Variants in NEDD4L observed in about 807,000 individuals in gnomAD.
NEDD4L encodes the protein E3 ubiquitin-protein ligase NEDD4-like.
Under a neutral mutation model 148.9 loss-of-function variants are expected in NEDD4L, and 54 were observed. The ratio of observed to expected loss-of-function variants is 0.36; its 90% CI spans 0.29 to 0.45. The LOEUF (loss-of-function observed/expected upper bound fraction) is 0.45. Among genes scored for constraint, NEDD4L ranks in the 20% least tolerant of loss-of-function variants. The pLI, the probability that NEDD4L is intolerant of heterozygous loss-of-function variation, is 1.00. For missense variants in NEDD4L, 856 were observed against 1,233.8 expected, an observed-to-expected ratio of 0.69 and a Z score of 4.59; for synonymous variants, 433 against 440.7, an observed-to-expected ratio of 0.98 and a Z score of 0.22.
At chr18:58,250,058 C>T (rs925812955) in intron 4 of NEDD4L, among the ~76,000 whole-genome samples, 1 of 152,218 alleles carries the variant, frequency 6.6e-6, no homozygotes, top group East Asian at 1.9e-4. Context: ...AATGTTAGTA[C>T]ATCCCATACT....
Position 58,335,555 on chromosome 18 carries a change from CAG to C in NEDD4L, c.1125+20_1125+21del, listed in dbSNP as rs778540387. ...AACCAACGGTAATGATCCACTTTAT[CAG>C]ACATCAATAGCAAGAGGCCGTGAGG... On this transcript the variant is annotated intron_variant, in intron 13 of 30. Coordinates refer to ENST00000400345, the MANE Select transcript of NEDD4L (RefSeq NM_001144967.3). 1.3e-5 allele frequency: 20 copies of C among 1,598,434 alleles called. No individual in the cohort carries two copies. In the Admixed American group the frequency reaches 1.7e-4, roughly 13 times the overall value.
At chr18:58,157,647 G>A (rs2035675645) in intron 1 of NEDD4L, among the ~76,000 whole-genome samples, 1 of 151,814 alleles carries the variant, frequency 6.6e-6, no homozygotes, top group South Asian at 2.1e-4. Context: ...TATTTATTAT[G>A]GTATCAGGTT....
At chr18:58,185,916 T>C (rs1484134787) in intron 2 of NEDD4L, among the ~76,000 whole-genome samples, 1 of 150,924 alleles carries the variant, frequency 6.6e-6, no homozygotes, top group Middle Eastern at 3.2e-3. Flanking sequence ...TAAAATAAAA[T>C]GATGAATGCC....
intron 5 of NEDD4L, among the ~76,000 whole-genome samples, chr18:58,257,472 A>G (rs923406085): frequency 6.6e-6 from 1 of 152,084 alleles, no homozygotes; most frequent in African/African-American, 2.4e-5. Context: ...GTTATGGCCC[A>G]AGGCTAGGGG....
chr18:58,095,819 G>A (rs1010114078), intron 1 of NEDD4L, among the ~76,000 whole-genome samples: 1 of 152,176 alleles, frequency 6.6e-6, no homozygotes, highest in Non-Finnish European at 1.5e-5. Context: ...TCTAGAGCAA[G>A]CTTGTGCAAC....
At chr18:58,060,850 C>T (rs2082300734) in intron 1 of NEDD4L, among the ~76,000 whole-genome samples, 1 of 152,108 alleles carries the variant, frequency 6.6e-6, no homozygotes, top group African/African-American at 2.4e-5. Context: ...CCTCCGCCTC[C>T]TGGGTTCAAG....
At chr18:58,387,859 CAGT>C (rs2049255029) in intron 27 of NEDD4L, 1 of 180,838 alleles carries the variant, frequency 5.5e-6, no homozygotes, top group South Asian at 1.4e-4. Context: ...ACAAGGTTTG[CAGT>C]AGCCCTCTGG....
chr18:58,126,619 C>G (rs1035810627), intron 1 of NEDD4L, among the ~76,000 whole-genome samples: 16 of 152,160 alleles, frequency 1.1e-4, no homozygotes, highest in African/African-American at 3.9e-4. Flanking sequence ...TTTGTGTGGA[C>G]ATAGACTTAG....
In NEDD4L at chr18:58,103,738, A is replaced by G. The variant is rs547413086; in HGVS notation, c.48+59030A>G. Among the ~76,000 whole-genome samples, 7 of 152,370 alleles carry G rather than the reference A, an allele frequency of 4.6e-5. No individual in the cohort carries two copies. In the East Asian group the frequency reaches 1.3e-3, roughly 29 times the overall value. On this transcript the variant is annotated intron_variant, in intron 1 of 30. Transcript: ENST00000400345. ...AATGCTAGAAGTGAAACCAAAACCT[A>G]CATGGAATTATAGAAGAAATAGCTG...
intron 2 of NEDD4L, among the ~76,000 whole-genome samples, chr18:58,180,647 A>C (rs1049328318): frequency 1.3e-5 from 2 of 152,136 alleles, no homozygotes; most frequent in Admixed American, 1.3e-4. Context: ...GCATTTCATT[A>C]ATTTTCTCAT....
At chr18:58,284,490 A>G (rs1486219801) in intron 5 of NEDD4L, among the ~76,000 whole-genome samples, 1 of 152,210 alleles carries the variant, frequency 6.6e-6, no homozygotes, top group African/African-American at 2.4e-5. Context: ...GGTTATCAAG[A>G]TACAGTTTTT....
intron 1 of NEDD4L, among the ~76,000 whole-genome samples, chr18:58,099,734 G>A (rs915111641): frequency 6.6e-6 from 1 of 152,170 alleles, no homozygotes; most frequent in Non-Finnish European, 1.5e-5. Flanking sequence ...GGCATTTGAG[G>A]TAGACTCTAA....
rs1568420449 is a variant in NEDD4L, at chr18:58,223,443, T to TG, written c.123-21978dup. On this transcript the variant is annotated intron_variant, in intron 2 of 30. Transcript: ENST00000400345. ...GTTTGTTTGGTGGATGTGGTGATGG[T>TG]GGGGGGCTCTATGTACTTATTAAGG... Among the ~76,000 whole-genome samples, 3 of 152,110 alleles carry TG rather than the reference T, an allele frequency of 2.0e-5. 1 individual carries two copies. Among genetic ancestry groups the TG allele is most frequent in the Admixed American group, 1.3e-4 (2 of 15,266 alleles).
chr18:58,349,659 C>G (rs756601057), intron 17 of NEDD4L, 45 bp downstream of exon 17: 1 of 1,439,210 alleles, frequency 6.9e-7, no homozygotes, highest in South Asian at 1.1e-5. Flanking sequence ...TATGTGTGTT[C>G]CTTTATCCGC....
intron 1 of NEDD4L, among the ~76,000 whole-genome samples, chr18:58,068,380 T>C (rs2082713809): frequency 6.6e-6 from 1 of 152,054 alleles, no homozygotes; most frequent in Non-Finnish European, 1.5e-5. Context: ...TTTGTATTTT[T>C]AGTAGAGACG....
chr18:58,394,005 C>G (rs973363127), intron 30 of NEDD4L, among the ~76,000 whole-genome samples: 1 of 152,218 alleles, frequency 6.6e-6, no homozygotes, highest in African/African-American at 2.4e-5. Context: ...TAGGTAGACT[C>G]TAAAGCAAAC....
At chr18:58,200,512 A>G (rs375315264) in intron 2 of NEDD4L, among the ~76,000 whole-genome samples, 2 of 152,248 alleles carry the variant, frequency 1.3e-5, no homozygotes, top group Admixed American at 6.5e-5. Context: ...ATACATATGC[A>G]GGCCTATTTT....
At chr18:58,254,893 A>C (rs2048330230) in intron 5 of NEDD4L, among the ~76,000 whole-genome samples, 1 of 152,224 alleles carries the variant, frequency 6.6e-6, no homozygotes, top group East Asian at 1.9e-4. Flanking sequence ...ATTTAGCATT[A>C]AACGGACACT....
At position 58,398,342 on chromosome 18, in the gene NEDD4L, A is replaced by G. The variant is rs1435634469; in HGVS notation, c.*2073A>G. On this transcript the variant is annotated 3_prime_UTR_variant, in exon 31 of 31. Transcript: ENST00000400345. ...AAGAATCATGCCAGAGCCTGAGTCG[A>G]GCAGTATGCTTTCTTGGTTTTTGAG... The G allele has an allele frequency of 3.3e-5, 5 of 152,148 alleles. No homozygotes were observed. Among genetic ancestry groups the G allele is most frequent in the Non-Finnish European group, 4.4e-5 (3 of 68,028 alleles). The allele number at this position is 152,148 out of a possible 1,614,324, so 9.4% of individuals were successfully genotyped here. A position where few individuals can be genotyped will look rare whatever the true frequency, so the allele number is the denominator to read the frequency against.
Sources: gnomAD v4.1 joint callset for allele counts (sites outside exome capture counted in the v4.1 genomes callset) on GRCh38, gnomAD v4.1.1 for gene constraint, MANE v1.5 for transcripts, NCBI Gene and HGNC (gene_info 2026-07-23, HGNC 2026-07-21) for gene names.